Variants in PIKFYVE observed in about 807,000 individuals in gnomAD.
The protein encoded by PIKFYVE is 1-phosphatidylinositol 3-phosphate 5-kinase.
In PIKFYVE, 122 loss-of-function variants were observed where a neutral mutation model predicts 257.9. The ratio of observed to expected loss-of-function variants is 0.47; its 90% CI spans 0.41 to 0.55. The LOEUF is 0.55. Among genes scored for constraint, PIKFYVE ranks in the 20% least tolerant of loss-of-function variants. The pLI is 0.00. For missense variants in PIKFYVE, 2,160 were observed against 2,536.6 expected (o/e 0.85, Z 3.19); for synonymous variants, 892 against 868.9 (o/e 1.03, Z -0.47).
intron 3 of PIKFYVE, among the ~76,000 whole-genome samples, chr2:208,274,960 T>C (rs1339163104): frequency 1.3e-5 from 2 of 152,150 alleles, no homozygotes; most frequent in Non-Finnish European, 2.9e-5. Context: ...AACCTTGCCA[T>C]TGGTATTATG....
chr2:208,315,253 GTCA>G lies in PIKFYVE; in HGVS notation c.1893_1895del (p.Ser632del). 1.9e-6 allele frequency: 3 copies of G among 1,614,094 alleles called. No individual in the cohort carries two copies. Among genetic ancestry groups the G allele is most frequent in the Non-Finnish European group, 2.5e-6 (3 of 1,179,992 alleles). On this transcript the variant is annotated inframe_deletion, in exon 15 of 42. Coordinates refer to ENST00000264380, the MANE Select transcript of PIKFYVE (RefSeq NM_015040.4). ...AGCAGTTGCTCCATAGTGACTCACT[GTCA>G]TCATCTTGGAGGGACATCATCGTGT...
chr2:208,306,150 A>G (rs1694288675), intron 12 of PIKFYVE, among the ~76,000 whole-genome samples: 1 of 152,244 alleles, frequency 6.6e-6, no homozygotes. Context: ...ATAGTAATAA[A>G]AAGGAATATG....
chr2:208,284,322 A>G (rs1480586689), intron 5 of PIKFYVE, among the ~76,000 whole-genome samples: 1 of 144,444 alleles, frequency 6.9e-6, no homozygotes, highest in African/African-American at 2.6e-5. Context: ...GTGCAGTGGC[A>G]CAGTCTTGGC....
At chr2:208,272,424 G>A (rs1415025692) in intron 2 of PIKFYVE, among the ~76,000 whole-genome samples, 1 of 152,068 alleles carries the variant, frequency 6.6e-6, no homozygotes, top group African/African-American at 2.4e-5. Flanking sequence ...ACAGTACATG[G>A]GAGGAAAGGT....
chr2:208,304,770 C>T (rs1470540170), intron 11 of PIKFYVE, 76 bp from the exon 12 acceptor site: 3 of 1,407,638 alleles, frequency 2.1e-6, no homozygotes, highest in Non-Finnish European at 3.0e-6. Flanking sequence ...TTTCTCCTTT[C>T]CTCCAATACC....
At chr2:208,339,329 T>A (rs902927997) in intron 29 of PIKFYVE, 89 bp from the exon 30 acceptor site, 3 of 1,444,610 alleles carry the variant, frequency 2.1e-6, no homozygotes, top group African/African-American at 1.4e-5. Flanking sequence ...TTTTAGGAAG[T>A]AGGCATATGA....
intron 35 of PIKFYVE, among the ~76,000 whole-genome samples, 189 bp from the exon 36 acceptor site, chr2:208,349,835 A>C (rs183669153): frequency 3.0e-4 from 46 of 152,308 alleles, no homozygotes; most frequent in Non-Finnish European, 5.6e-4. Context: ...TCCAAAAAAC[A>C]TACATTTTTA....
Position 208,277,965 on chromosome 2 carries a change from A to G in PIKFYVE, c.613+257A>G, listed in dbSNP as rs1452281656. Among the ~76,000 whole-genome samples, 4 of 152,354 alleles carry G rather than the reference A, an allele frequency of 2.6e-5. No homozygotes were observed. In the East Asian group the frequency reaches 7.7e-4, roughly 29 times the overall value. ...AAAAACTATAGGAACATTAAAATTTATTAGACAAGATCGTTAGAGTAGATT... is the reference window on the plus strand; with the variant it reads ...AAAAACTATAGGAACATTAAAATTTGTTAGACAAGATCGTTAGAGTAGATT... On this transcript the variant is annotated intron_variant, in intron 5 of 41. Coordinates refer to ENST00000264380, the MANE Select transcript of PIKFYVE (RefSeq NM_015040.4).
In PIKFYVE at chr2:208,336,138, C is replaced by T; in HGVS notation, c.4458C>T (p.Val1486=). ...ATACCCCTCAGCAACTGCAGTCGGT[C>T]TTTGAGTCACTCATTGCCAAGAAAC... is the stretch of plus-strand genomic sequence containing the variant. The part of the protein sequence containing the change: ...SVDTPQQLQS[V]FESLIAKKQS... Residue 1486 remains valine, a synonymous_variant, in exon 27 of 42, where the codon GTC becomes GTT. Transcript: ENST00000264380. 1 of 1,614,036 alleles carries T rather than the reference C, an allele frequency of 6.2e-7. No homozygotes were observed. The highest frequency in any genetic ancestry group is 8.5e-7 in the Non-Finnish European group (1 of 1,179,946).
chr2:208,275,724 A>C (rs990352007), intron 3 of PIKFYVE, among the ~76,000 whole-genome samples: 1 of 152,128 alleles, frequency 6.6e-6, no homozygotes, highest in Admixed American at 6.5e-5. Context: ...AACAGCACCT[A>C]TCTAGCAAAT....
chr2:208,305,172 C>T (rs1694176709), intron 12 of PIKFYVE, 159 bp downstream of exon 12: 2 of 1,526,688 alleles, frequency 1.3e-6, no homozygotes, highest in African/African-American at 1.4e-5. Flanking sequence ...ACACCTCCTC[C>T]CCATACCTTT....
At chr2:208,330,153 G>T (rs536864301) in intron 22 of PIKFYVE, among the ~76,000 whole-genome samples, 1 of 151,866 alleles carries the variant, frequency 6.6e-6, no homozygotes, top group African/African-American at 2.4e-5. Flanking sequence ...AACATTTTTC[G>T]GATACCTGTT....
At position 208,273,655 on chromosome 2, in the gene PIKFYVE, A is replaced by C; in HGVS notation, c.244A>C (p.Arg82=). 1 of 1,614,142 alleles carries C rather than the reference A, an allele frequency of 6.2e-7. No homozygotes were observed. Among genetic ancestry groups the C allele is most frequent in the Non-Finnish European group, 8.5e-7 (1 of 1,180,020 alleles). ...GSWTSPQLPS[R]TQSVRSPTPY... is the part of the protein sequence containing the mutation. ...TTGGACCAGCCCTCAGCTCCCTTCGAGGACACAGTCTGTTAGGTCACCCAC... is the reference window on the plus strand; with the variant it reads ...TTGGACCAGCCCTCAGCTCCCTTCGCGGACACAGTCTGTTAGGTCACCCAC... The change falls in exon 3 of 42, where the codon AGG becomes CGG. Residue 82 remains arginine, a synonymous_variant. Coordinates refer to ENST00000264380, the MANE Select transcript of PIKFYVE (RefSeq NM_015040.4).
intron 32 of PIKFYVE, among the ~76,000 whole-genome samples, chr2:208,344,000 A>G (rs1698984106): frequency 6.6e-6 from 1 of 151,864 alleles, no homozygotes; most frequent in African/African-American, 2.4e-5. Flanking sequence ...TTGTATTTTA[A>G]GTAGAGACAG....
At chr2:208,298,272 C>A (rs769305072) in intron 7 of PIKFYVE, among the ~76,000 whole-genome samples, 36 of 152,074 alleles carry the variant, frequency 2.4e-4, no homozygotes, top group Non-Finnish European at 4.9e-4. Context: ...CACTAACTTA[C>A]AGCATTTTAA....
intron 2 of PIKFYVE, among the ~76,000 whole-genome samples, chr2:208,272,634 A>G (rs549581823): frequency 6.6e-6 from 1 of 152,282 alleles, no homozygotes; most frequent in Admixed American, 6.5e-5. Context: ...TATTACTTGA[A>G]GTATGTTAGA....
chr2:208,329,778 G>A, intron 21 of PIKFYVE, 64 bp from the exon 22 acceptor site: 1 of 1,590,516 alleles, frequency 6.3e-7, no homozygotes, highest in Non-Finnish European at 8.6e-7. Flanking sequence ...ATAATTTGTG[G>A]TCTCATGAAA....
intron 5 of PIKFYVE, among the ~76,000 whole-genome samples, chr2:208,281,489 C>G (rs1690803758): frequency 6.6e-6 from 1 of 152,138 alleles, no homozygotes; most frequent in African/African-American, 2.4e-5. Flanking sequence ...TCATGTAGTT[C>G]TTCTGGAGTG....
chr2:208,314,538 G>GT, intron 14 of PIKFYVE, 115 bp downstream of exon 14: 1 of 1,214,794 alleles, frequency 8.2e-7, no homozygotes, highest in Non-Finnish European at 1.2e-6. Context: ...TCCTTAGAAA[G>GT]TAAAAAAATA....
Sources: gnomAD v4.1 joint callset for allele counts (sites outside exome capture counted in the v4.1 genomes callset) on GRCh38, gnomAD v4.1.1 for gene constraint, MANE v1.5 for transcripts, NCBI Gene and HGNC (gene_info 2026-07-23, HGNC 2026-07-21) for gene names.